Variants in HERC2 observed in about 807,000 individuals in gnomAD.
HERC2 encodes E3 ubiquitin-protein ligase HERC2.
In HERC2, 102 loss-of-function variants were observed where a neutral mutation model predicts 537.7. The observed-to-expected ratio is 0.19, with a 90% CI of 0.16 to 0.22. The LOEUF (loss-of-function observed/expected upper bound fraction) is 0.22, where lower values mean the gene tolerates loss of function less well. Among genes scored for constraint, HERC2 ranks in the 10% least tolerant of loss-of-function variants. The pLI, the probability that HERC2 is intolerant of heterozygous loss-of-function variation, is 1.00. For missense variants in HERC2, 4,236 were observed against 6,198.2 expected (o/e 0.68, Z 10.63); for synonymous variants, 2,224 against 2,466.2 (o/e 0.90, Z 2.91).
chr15:28,154,435 G>C (rs2142360453), intron 69 of HERC2, among the ~76,000 whole-genome samples: 1 of 152,304 alleles, frequency 6.6e-6, no homozygotes, highest in East Asian at 1.9e-4. Context: ...GAAAACGGCC[G>C]TATCCTTATT....
Position 28,210,952 on chromosome 15 carries a change from A to G in HERC2, c.7069+50T>C, listed in dbSNP as rs750186131. 6.4e-6 allele frequency: 6 copies of G among 938,060 alleles called. No individual in the cohort carries two copies. In the Admixed American group the frequency reaches 6.8e-5, roughly 11 times the overall value. 58.1% of individuals were successfully genotyped at this position (938,060 alleles called of 1,614,324 possible). A position where few individuals can be genotyped will look rare whatever the true frequency, so the allele number is the denominator to read the frequency against. On this transcript the variant is annotated intron_variant, in intron 44 of 92. Transcript: ENST00000261609. ...AACTGATTATTCACTTCCTTTGTCT[A>G]CTTTCTACTGCCCTTCTTATAAAGA...
chr15:28,180,165 G>A (rs1329178322), intron 57 of HERC2, among the ~76,000 whole-genome samples: 1 of 152,098 alleles, frequency 6.6e-6, no homozygotes, highest in African/African-American at 2.4e-5. Context: ...CTTTTACAAT[G>A]TATTTTTACC....
rs1422807731 is a variant in HERC2 at position 28,263,152 on chromosome 15, C to T, written c.1888G>A (p.Gly630Arg). 6.2e-7 allele frequency: 1 copy of T among 1,608,736 alleles called. No homozygotes were observed. The highest frequency in any genetic ancestry group is 8.5e-7 in the Non-Finnish European group (1 of 1,175,336). Residue 630 changes from glycine (G) to arginine (R), a missense_variant, in exon 15 of 93, where the codon GGA becomes AGA. Gly to Arg is a moderately radical substitution (Grantham distance 125). Transcript: ENST00000261609. ...VTENGQVWSW[G>R]DGDYGKLGRG... ...CCCAATTTCCCATAGTCACCATCTC[C>T]CCAAGACCACACTTGCCCTAAAAAA...
chr15:28,286,061 G>T (rs571586359), intron 4 of HERC2, among the ~76,000 whole-genome samples: 16 of 151,890 alleles, frequency 1.1e-4, no homozygotes, highest in African/African-American at 3.6e-4. Flanking sequence ...GAAATTACCA[G>T]ACCCAAATGA....
At chr15:28,143,738 G>A (rs1442671954) in intron 74 of HERC2, 135 bp downstream of exon 74, 10 of 1,114,312 alleles carry the variant, frequency 9.0e-6, no homozygotes, top group East Asian at 2.4e-5. Context: ...GAGCCACCGC[G>A]CCCGGTCCAA....
At chr15:28,245,606 G>C (rs533586793) in intron 23 of HERC2, among the ~76,000 whole-genome samples, 36 of 129,054 alleles carry the variant, frequency 2.8e-4, no homozygotes, top group Non-Finnish European at 4.1e-4. Context: ...CACACACACA[G>C]ATATATATAT....
At chr15:28,150,771 T>A (rs1325822971) in intron 70 of HERC2, among the ~76,000 whole-genome samples, 1 of 150,480 alleles carries the variant, frequency 6.6e-6, no homozygotes, top group Non-Finnish European at 1.5e-5. Context: ...TATATTCTAG[T>A]AAAATTACTG....
At chr15:28,279,615 C>CCACACACACA (rs58447102) in intron 5 of HERC2, among the ~76,000 whole-genome samples, 4,035 of 141,624 alleles carry the variant, frequency 0.028, 114 homozygotes, top group Middle Eastern at 0.066. Context: ...GACCCCATCT[C>CCACACACACA]CACACACACA....
At chr15:28,309,483 C>T (rs1015481801) in intron 2 of HERC2, among the ~76,000 whole-genome samples, 2 of 152,184 alleles carry the variant, frequency 1.3e-5, no homozygotes, top group African/African-American at 4.8e-5. Context: ...AACCACTATG[C>T]TCTTTTGTGA....
chr15:28,272,112 C>T (rs761160407), intron 9 of HERC2, 103 bp downstream of exon 9: 2 of 1,059,806 alleles, frequency 1.9e-6, no homozygotes, highest in South Asian at 1.7e-5. Flanking sequence ...CAAACACACA[C>T]ACGCCAGAGA....
Position 28,268,446 on chromosome 15 carries a change from A to C in HERC2, c.1598+19T>G, listed in dbSNP as rs776466206. 3 of 1,607,634 alleles carry C rather than the reference A, an allele frequency of 1.9e-6. No individual in the cohort carries two copies. The highest frequency in any genetic ancestry group is 3.4e-5 in the Admixed American group (2 of 59,594). On this transcript the variant is annotated intron_variant, in intron 12 of 92. Coordinates refer to ENST00000261609, the MANE Select transcript of HERC2 (RefSeq NM_004667.6). This position sits in a 1 kb window ranked among gnomAD's most constrained non-coding sequence, Gnocchi z 4.7. The stretch of plus-strand genomic sequence containing the variant: ...CATAAAAGGAGAGTGTGTCCCCTAC[A>C]GGAATAAGCGATACATACACAGTGT...
At chr15:28,183,493 G>A (rs1896019848) in intron 56 of HERC2, among the ~76,000 whole-genome samples, 1 of 152,142 alleles carries the variant, frequency 6.6e-6, no homozygotes, top group Non-Finnish European at 1.5e-5. Context: ...GATTACAGGT[G>A]GGAGCCACCA....
intron 4 of HERC2, among the ~76,000 whole-genome samples, chr15:28,282,943 G>A (rs1376062695): frequency 6.7e-6 from 1 of 149,464 alleles, no homozygotes; most frequent in Non-Finnish European, 1.5e-5. Context: ...GGAAGGGACG[G>A]GAAGGGATGG....
chr15:28,269,687 G>A (rs1467380111), intron 10 of HERC2, among the ~76,000 whole-genome samples: 1 of 152,070 alleles, frequency 6.6e-6, no homozygotes, highest in African/African-American at 2.4e-5. Flanking sequence ...ACTATAAATG[G>A]CCCTTAAATA....
At chr15:28,156,039 T>A (rs574746789) in intron 69 of HERC2, among the ~76,000 whole-genome samples, 1 of 152,196 alleles carries the variant, frequency 6.6e-6, no homozygotes, top group Non-Finnish European at 1.5e-5. Flanking sequence ...CCATTTCTCG[T>A]TTTTGTCAGG....
intron 37 of HERC2, 26 bp from the exon 38 acceptor site, chr15:28,218,697 A>T (rs1247680851): frequency 1.3e-6 from 2 of 1,536,666 alleles, no homozygotes; most frequent in Non-Finnish European, 1.8e-6. Flanking sequence ...AAAATTACAA[A>T]TTATATTCCC....
chr15:28,311,193 G>A (rs1369724964), intron 2 of HERC2, among the ~76,000 whole-genome samples: 2 of 150,716 alleles, frequency 1.3e-5, no homozygotes, highest in East Asian at 1.9e-4. Flanking sequence ...GGCAGGGCAC[G>A]GTGGCTCACA....
chr15:28,200,496 C>T (rs572557304), intron 48 of HERC2, among the ~76,000 whole-genome samples: 64 of 152,202 alleles, frequency 4.2e-4, no homozygotes, highest in African/African-American at 1.5e-3. Context: ...TTCCAGCCTC[C>T]AGAACCATGA....
In HERC2 at chr15:28,196,351, A is replaced by C. The variant is rs1897338196; in HGVS notation, c.8124T>G (p.Cys2708Trp). ...LVPSIHPGVT[C>W]DGCQMFPING... ...TGATAGGAAACATCTGACATCCATC[A>C]CACCTATTTGTAAAATAGCAACTGA... Residue 2708 changes from cysteine (C) to tryptophan (W), a missense_variant, in exon 52 of 93, where the codon TGT becomes TGG. Cys to Trp is a radical substitution (Grantham distance 215). Coordinates refer to ENST00000261609, the MANE Select transcript of HERC2 (RefSeq NM_004667.6). The C allele has an allele frequency of 7.5e-7, 1 of 1,338,332 alleles. No individual in the cohort carries two copies. The highest frequency in any genetic ancestry group is 1.5e-5 in the African/African-American group (1 of 68,444). 82.9% of individuals were successfully genotyped at this position (1,338,332 alleles called of 1,614,324 possible). A position where few individuals can be genotyped will look rare whatever the true frequency, so the allele number is the denominator to read the frequency against.
Sources: allele counts gnomAD v4.1 joint callset (sites outside exome capture counted in the v4.1 genomes callset), GRCh38; gene constraint gnomAD v4.1.1; non-coding constraint Gnocchi (gnomAD v3.1); transcripts MANE v1.5; gene names NCBI Gene and HGNC (gene_info 2026-07-23, HGNC 2026-07-21).